DAG1: variants seen among roughly 807,000 people sequenced by gnomAD.
DAG1 encodes the protein dystroglycan 1, also known as dystroglycan 1 (dystrophin-associated glycoprotein 1).
Under a neutral mutation model 46.1 loss-of-function variants are expected in DAG1, and 8 were observed. That is an observed-to-expected ratio of 0.17 (90% CI 0.10 to 0.31). The LOEUF is 0.31. Ranked by LOEUF, DAG1 falls within the 10% of genes least tolerant of loss-of-function variation. DAG1 has a pLI of 1.00. For synonymous variants in DAG1, 495 were observed against 481.8 expected (o/e 1.03, Z -0.36); for missense variants, 1,003 against 1,189.9 (o/e 0.84, Z 2.31).
At chr3:49,498,328 C>T (rs1337481402) in intron 1 of DAG1, among the ~76,000 whole-genome samples, 1 of 152,118 alleles carries the variant, frequency 6.6e-6, no homozygotes, top group Non-Finnish European at 1.5e-5. Context: ...AGTCACTTGA[C>T]TTCAGACCTT....
intron 1 of DAG1, among the ~76,000 whole-genome samples, chr3:49,487,993 C>T (rs926734789): frequency 1.3e-5 from 2 of 152,108 alleles, no homozygotes; most frequent in African/African-American, 2.4e-5. Flanking sequence ...TGAGCCACCA[C>T]GCCCGGCCAG....
At chr3:49,478,876 T>C (rs1208831756) in intron 1 of DAG1, among the ~76,000 whole-genome samples, 4 of 137,058 alleles carry the variant, frequency 2.9e-5, no homozygotes, top group African/African-American at 8.2e-5. Flanking sequence ...TGCAATGGCG[T>C]AATCTCGGCT....
At chr3:49,506,817 T>C (rs2050617397) in intron 1 of DAG1, among the ~76,000 whole-genome samples, 1 of 152,106 alleles carries the variant, frequency 6.6e-6, no homozygotes, top group Non-Finnish European at 1.5e-5. Flanking sequence ...GCTACCTTAA[T>C]AGAATGAATT....
intron 1 of DAG1, among the ~76,000 whole-genome samples, chr3:49,480,267 C>CT (rs1043834393): frequency 0.12 from 12,254 of 100,010 alleles, 1,144 homozygotes; most frequent in Non-Finnish European, 0.2. Flanking sequence ...TATAACATTT[C>CT]TTTTTTTTTT....
intron 1 of DAG1, among the ~76,000 whole-genome samples, chr3:49,502,905 G>A (rs2107547788): frequency 6.6e-6 from 1 of 152,268 alleles, no homozygotes; most frequent in South Asian, 2.1e-4. Flanking sequence ...CCAAAGTGCT[G>A]GGATTACAGG....
chr3:49,530,096 T>C (rs2051297928), intron 2 of DAG1, among the ~76,000 whole-genome samples: 1 of 152,216 alleles, frequency 6.6e-6, no homozygotes, highest in South Asian at 2.1e-4. Context: ...TAAGCACTAT[T>C]CTAGAATAGT....
intron 2 of DAG1, among the ~76,000 whole-genome samples, chr3:49,523,751 C>A (rs2051099241): frequency 6.6e-6 from 1 of 152,154 alleles, no homozygotes; most frequent in Non-Finnish European, 1.5e-5. Flanking sequence ...TTCTCAGAGC[C>A]CATGGGAGCC....
Position 49,474,064 on chromosome 3 carries a change from A to C in DAG1, c.-117+3631A>C, listed in dbSNP as rs558906697. 6.0e-5 allele frequency among the ~76,000 whole-genome samples: 9 copies of C among 150,856 alleles called. No homozygotes were observed. The South Asian group carries it at 1.9e-3, about 32-fold the overall frequency. Reference sequence around the variant, plus strand: ...CATCACTCCTGGCTAATATATGTATATATTTTTTGAGACCGAGTCTTGCTC... The same window carrying C: ...CATCACTCCTGGCTAATATATGTATCTATTTTTTGAGACCGAGTCTTGCTC... On this transcript the variant is annotated intron_variant, in intron 1 of 2. Coordinates refer to ENST00000308775, the MANE Select transcript of DAG1 (RefSeq NM_004393.6).
intron 2 of DAG1, among the ~76,000 whole-genome samples, chr3:49,516,441 G>A (rs1183268162): frequency 6.6e-6 from 1 of 152,216 alleles, no homozygotes; most frequent in Non-Finnish European, 1.5e-5. Context: ...GCCGTGTTTT[G>A]AGGCCTCAGG....
chr3:49,528,838 T>C (rs1033560748), intron 2 of DAG1, among the ~76,000 whole-genome samples: 10 of 151,114 alleles, frequency 6.6e-5, no homozygotes, highest in Non-Finnish European at 1.5e-4. Context: ...ATAACCCTGA[T>C]AATAATAACG....
intron 2 of DAG1, among the ~76,000 whole-genome samples, chr3:49,520,974 T>G (rs1477382300): frequency 6.6e-6 from 1 of 152,166 alleles, no homozygotes; most frequent in East Asian, 1.9e-4. Context: ...AGCCTAATTC[T>G]TCAGTTTTGT....
At chr3:49,476,964 G>A (rs2049697890) in intron 1 of DAG1, 1 of 152,070 alleles carries the variant, frequency 6.6e-6, no homozygotes, top group African/African-American at 2.4e-5. Flanking sequence ...ATCACATACT[G>A]GCCAAAATGA....
chr3:49,491,922 A>G (rs2050199080), intron 1 of DAG1, among the ~76,000 whole-genome samples: 4 of 144,898 alleles, frequency 2.8e-5, no homozygotes, highest in African/African-American at 5.1e-5. Flanking sequence ...CCTGGCCCCA[A>G]GTCTATTCTT....
intron 1 of DAG1, among the ~76,000 whole-genome samples, chr3:49,502,500 CTGGTCCCATGGGCCT>C (rs2050479561): frequency 1.3e-5 from 2 of 152,168 alleles, no homozygotes; most frequent in Admixed American, 1.3e-4. Context: ...TGTGAGCCAC[CTGGTCCCATGGGCCT>C]TGGAGTGTGG....
chr3:49,507,465 A>T (rs2050635214), intron 1 of DAG1, among the ~76,000 whole-genome samples: 1 of 152,140 alleles, frequency 6.6e-6, no homozygotes, highest in Non-Finnish European at 1.5e-5. Flanking sequence ...TGGGAGGCTG[A>T]GGCAGGAGAA....
chr3:49,473,441 A>C (rs911728151), intron 1 of DAG1, among the ~76,000 whole-genome samples: 9 of 152,228 alleles, frequency 5.9e-5, no homozygotes, highest in African/African-American at 2.2e-4. Context: ...AAAAAACACA[A>C]AAAAAACACA....
At chr3:49,488,430 A>T (rs2050094090) in intron 1 of DAG1, among the ~76,000 whole-genome samples, 1 of 152,194 alleles carries the variant, frequency 6.6e-6, no homozygotes. Context: ...TTATATCCTT[A>T]GATATGTTCT....
In DAG1 at chr3:49,503,184, A is replaced by G. The variant is rs929410997; in HGVS notation, c.-116-7235A>G. Among the ~76,000 whole-genome samples the G allele has an allele frequency of 3.3e-5, 5 of 152,252 alleles. No homozygotes were observed. The East Asian group carries it at 7.7e-4, about 24-fold the overall frequency. ...CATGGTGAGTCTTCTCCAGGGTGCT[A>G]GGGCAGCTCACAGCTCCCACCAACA... On this transcript the variant is annotated intron_variant, in intron 1 of 2. Transcript: ENST00000308775.
chr3:49,507,342 C>G (rs997691923), intron 1 of DAG1, among the ~76,000 whole-genome samples: 1 of 152,120 alleles, frequency 6.6e-6, no homozygotes, highest in Non-Finnish European at 1.5e-5. Context: ...GTGGGCGGAT[C>G]ACCTGAGGTC....
Sources: allele counts gnomAD v4.1 joint callset (sites outside exome capture counted in the v4.1 genomes callset), GRCh38; gene constraint gnomAD v4.1.1; transcripts MANE v1.5; gene names NCBI Gene and HGNC (gene_info 2026-07-23, HGNC 2026-07-21).